Variants in NRXN3 observed in about 807,000 individuals in gnomAD.
NRXN3 encodes neurexin III.
In NRXN3, 32 loss-of-function variants were observed where a neutral mutation model predicts 137.6. The observed-to-expected ratio is 0.23, with a 90% confidence interval of 0.18 to 0.31. The LOEUF (loss-of-function observed/expected upper bound fraction) is 0.31. Among genes scored for constraint, NRXN3 ranks in the 10% least tolerant of loss-of-function variants. The probability of loss-of-function intolerance (pLI) is 1.00; values close to 1 mark genes in which losing one functional copy is unlikely to be tolerated. For missense variants in NRXN3, 1,574 were observed against 2,062.5 expected, an observed-to-expected ratio of 0.76 and a Z score of 4.59; for synonymous variants, 798 against 784.5, an observed-to-expected ratio of 1.02 and a Z score of -0.29.
chr14:79,394,491 A>G lies in NRXN3; in HGVS notation c.3263-72730A>G, dbSNP rs547394570. ...GTTTTTACTCAGGCAGTCTCAAGAT[A>G]ACATTTGTTGAGGGTCTATTAACAA... is the stretch of plus-strand genomic sequence containing the variant. On this transcript the variant is annotated intron_variant, in intron 15 of 20. Transcript: ENST00000335750. Among the ~76,000 whole-genome samples, 7 of 152,328 alleles carry G rather than the reference A, an allele frequency of 4.6e-5. No homozygotes were observed. The East Asian group carries it at 1.2e-3, about 25-fold the overall frequency.
At chr14:79,124,321 G>A (rs1016704105) in intron 15 of NRXN3, among the ~76,000 whole-genome samples, 2 of 152,176 alleles carry the variant, frequency 1.3e-5, no homozygotes, top group African/African-American at 4.8e-5. Flanking sequence ...TAAGGGAGAC[G>A]AGAGAGGATA....
chr14:79,021,618 C>A (rs1030825826), intron 15 of NRXN3, among the ~76,000 whole-genome samples: 2 of 151,950 alleles, frequency 1.3e-5, no homozygotes, highest in Non-Finnish European at 2.9e-5. Flanking sequence ...TGGGAGTGTG[C>A]AATTTGCTCT....
chr14:78,721,573 A>G (rs2098459991), intron 8 of NRXN3, among the ~76,000 whole-genome samples: 1 of 152,166 alleles, frequency 6.6e-6, no homozygotes, highest in Admixed American at 6.5e-5. Context: ...GACTCGGTTT[A>G]GTTATATCAG....
chr14:79,248,199 G>A (rs140408072), intron 15 of NRXN3, among the ~76,000 whole-genome samples: 264 of 152,166 alleles, frequency 1.7e-3, no homozygotes, highest in African/African-American at 6.1e-3. Context: ...CAATGACCTC[G>A]GCTTACAATA....
At position 78,585,773 on chromosome 14, in the gene NRXN3, G is replaced by A. The variant is rs569080712; in HGVS notation, c.758-59347G>A. On this transcript the variant is annotated intron_variant, in intron 4 of 20. Transcript: ENST00000335750. The stretch of plus-strand genomic sequence containing the variant: ...GGCTGAGAGAGATGCAGTTTTAGGG[G>A]AAGGGTTGGATATTAGGGGTTCAGC... Among the ~76,000 whole-genome samples, 5 of 152,272 alleles carry A rather than the reference G, an allele frequency of 3.3e-5. No homozygotes were observed. In the South Asian group the frequency reaches 6.2e-4, roughly 19 times the overall value.
intron 15 of NRXN3, among the ~76,000 whole-genome samples, chr14:79,408,996 G>A (rs994627138): frequency 1.3e-5 from 2 of 151,740 alleles, no homozygotes; most frequent in Non-Finnish European, 2.9e-5. Context: ...AATCTCCTTT[G>A]GTCTATGGAT....
intron 15 of NRXN3, among the ~76,000 whole-genome samples, chr14:79,422,993 C>T (rs139370105): frequency 1.8e-3 from 274 of 152,184 alleles, no homozygotes; most frequent in Non-Finnish European, 3.2e-3. Flanking sequence ...TCACCGCGCC[C>T]GGCCTAGTCA....
chr14:79,238,062 ATAAG>A (rs2073702061), intron 15 of NRXN3, among the ~76,000 whole-genome samples: 1 of 152,178 alleles, frequency 6.6e-6, no homozygotes, highest in South Asian at 2.1e-4. Context: ...AGAGAAATAG[ATAAG>A]TATGGGAGGA....
chr14:78,300,726 C>T, intron 4 of NRXN3: 2 of 1,431,708 alleles, frequency 1.4e-6, no homozygotes, highest in African/African-American at 1.4e-5. Flanking sequence ...TTATAACTAT[C>T]AATCTGCCTT....
At chr14:78,498,516 T>G (rs183195719) in intron 4 of NRXN3, among the ~76,000 whole-genome samples, 1 of 152,272 alleles carries the variant, frequency 6.6e-6, no homozygotes, top group East Asian at 1.9e-4. Flanking sequence ...CTAGTCTTTT[T>G]GACTTTATGG....
chr14:79,687,918 T>C (rs923587153), intron 17 of NRXN3, among the ~76,000 whole-genome samples: 3 of 152,198 alleles, frequency 2.0e-5, no homozygotes, highest in Non-Finnish European at 4.4e-5. Context: ...CTGAGTATGT[T>C]AGAAGATACA....
At chr14:78,313,678 A>T (rs886629508) in intron 4 of NRXN3, among the ~76,000 whole-genome samples, 2 of 152,100 alleles carry the variant, frequency 1.3e-5, no homozygotes, top group Middle Eastern at 3.2e-3. Flanking sequence ...TATATACGAT[A>T]CCATCATTTC....
intron 15 of NRXN3, among the ~76,000 whole-genome samples, chr14:79,374,834 C>T (rs961220842): frequency 1.4e-4 from 21 of 152,144 alleles, no homozygotes; most frequent in African/African-American, 5.1e-4. Flanking sequence ...AACCTGATTA[C>T]TTTGGTACCA....
At chr14:78,497,488 TTC>T (rs561933773) in intron 4 of NRXN3, among the ~76,000 whole-genome samples, 304 of 152,258 alleles carry the variant, frequency 2.0e-3, no homozygotes, top group Middle Eastern at 0.01. Flanking sequence ...TCACTTGCTG[TTC>T]TCATTAACCT....
intron 19 of NRXN3, among the ~76,000 whole-genome samples, chr14:79,734,141 A>T (rs1395152735): frequency 6.6e-6 from 1 of 152,182 alleles, no homozygotes; most frequent in African/African-American, 2.4e-5. Flanking sequence ...GCATTTCTAA[A>T]CAGACTTGTT....
intron 15 of NRXN3, among the ~76,000 whole-genome samples, chr14:79,215,764 C>T (rs923759830): frequency 3.3e-5 from 5 of 152,216 alleles, no homozygotes; most frequent in Non-Finnish European, 7.4e-5. Flanking sequence ...CAAACCATAT[C>T]ATACATATAC....
intron 4 of NRXN3, among the ~76,000 whole-genome samples, chr14:78,384,492 G>A (rs928211162): frequency 2.0e-5 from 3 of 152,052 alleles, no homozygotes; most frequent in Non-Finnish European, 2.9e-5. Flanking sequence ...AGCATGAGAG[G>A]TCTCAAACAC....
chr14:78,763,918 G>A (rs2098700604), intron 8 of NRXN3, among the ~76,000 whole-genome samples: 1 of 152,146 alleles, frequency 6.6e-6, no homozygotes, highest in African/African-American at 2.4e-5. Flanking sequence ...TTGCAACTTA[G>A]AGTTGCAAGG....
At chr14:79,208,219 C>G (rs2067086619) in intron 15 of NRXN3, among the ~76,000 whole-genome samples, 1 of 152,178 alleles carries the variant, frequency 6.6e-6, no homozygotes, top group Non-Finnish European at 1.5e-5. Context: ...AAAGCTAACT[C>G]TCTGGTGGGG....
Sources: gnomAD v4.1 joint callset for allele counts (sites outside exome capture counted in the v4.1 genomes callset) on GRCh38, gnomAD v4.1.1 for gene constraint, MANE v1.5 for transcripts, NCBI Gene and HGNC (gene_info 2026-07-23, HGNC 2026-07-21) for gene names.